KCNF1: variants seen among roughly 807,000 people sequenced by gnomAD.
KCNF1 encodes the protein potassium voltage-gated channel modifier subfamily F member 1, also known as voltage-gated potassium channel regulatory subunit KCNF1.
In KCNF1, 9 loss-of-function variants were observed where a neutral mutation model predicts 28.6. That is an observed-to-expected ratio of 0.31 (90% CI 0.19 to 0.55). The LOEUF is 0.55. Ranked by LOEUF, KCNF1 falls within the 20% of genes least tolerant of loss-of-function variation. KCNF1 has a pLI of 0.93. For missense variants in KCNF1, 461 were observed against 684.2 expected (o/e 0.67, Z 3.64); for synonymous variants, 328 against 299.6 (o/e 1.09, Z -0.98).
chr2:10,912,709 T>C lies in KCNF1; in HGVS notation c.283T>C (p.Phe95Leu), dbSNP rs766432391. 6.8e-6 allele frequency: 11 copies of C among 1,613,960 alleles called. No individual in the cohort carries two copies. Among genetic ancestry groups the C allele is most frequent in the African/African-American group, 6.7e-5 (5 of 74,918 alleles). ...AFKCVIEVYY[F>L]GEVHMKKGIC... ...CAAGTGTGTCATCGAGGTGTACTAT[T>C]TCGGGGAGGTCCACATGAAGAAGGG... Residue 95 changes from phenylalanine (F) to leucine (L), a missense_variant, in exon 1 of 1, where the codon TTC becomes CTC. Phe to Leu is a conservative substitution (Grantham distance 22, BLOSUM62 0). Coordinates refer to ENST00000295082, the MANE Select transcript of KCNF1 (RefSeq NM_002236.5). This position sits in a 1 kb window ranked among gnomAD's most constrained non-coding sequence, Gnocchi z 7.9.
In KCNF1 at chr2:10,913,928, G is replaced by C; in HGVS notation, c.*17G>C. The C allele has an allele frequency of 6.6e-7, 1 of 1,520,712 alleles. No homozygotes were observed. The allele number at this position is 1,520,712 out of a possible 1,614,324, so 94.2% of individuals were successfully genotyped here. A position where few individuals can be genotyped will look rare whatever the true frequency, so the allele number is the denominator to read the frequency against. On this transcript the variant is annotated 3_prime_UTR_variant, in exon 1 of 1. Coordinates refer to ENST00000295082, the MANE Select transcript of KCNF1 (RefSeq NM_002236.5). This position sits in a 1 kb window ranked among gnomAD's most constrained non-coding sequence, Gnocchi z 5.5. ...TGCAAGTGACAGGAGGGCCCCTCAG[G>C]CAGAGATGGACCAGGCGGTGGACAG... is the stretch of plus-strand genomic sequence containing the variant.
Position 10,912,348 on chromosome 2 carries a change from C to G in KCNF1, c.-79C>G. The G allele has an allele frequency of 1.8e-6, 2 of 1,134,004 alleles. No homozygotes were observed. The highest frequency in any genetic ancestry group is 3.2e-5 in the African/African-American group (2 of 61,696). 70.2% of individuals were successfully genotyped at this position (1,134,004 alleles called of 1,614,324 possible). On this transcript the variant is annotated 5_prime_UTR_variant, in exon 1 of 1. Coordinates refer to ENST00000295082, the MANE Select transcript of KCNF1 (RefSeq NM_002236.5). This position sits in a 1 kb window ranked among gnomAD's most constrained non-coding sequence, Gnocchi z 7.9. ...CCCGAGATCAGCGCACGGGTGGCAC[C>G]CGCCGGACCCCCAGCGGCAGCGGCG...
In KCNF1 at chr2:10,912,453, C is replaced by A. The variant is rs746986485; in HGVS notation, c.27C>A (p.Leu9=). Residue 9 remains leucine (L), a synonymous_variant, in exon 1 of 1, where the codon CTC becomes CTA. Coordinates refer to ENST00000295082, the MANE Select transcript of KCNF1 (RefSeq NM_002236.5). This position sits in a 1 kb window ranked among gnomAD's most constrained non-coding sequence, Gnocchi z 7.9. Reference sequence around the variant, plus strand: ...TGGACGGGTCCGGGGAGCGCAGCCTCCCGGAGCCGGGCAGCCAGAGCTCCG... The same window carrying A: ...TGGACGGGTCCGGGGAGCGCAGCCTACCGGAGCCGGGCAGCCAGAGCTCCG... MDGSGERS[L]PEPGSQSSAA... The A allele has an allele frequency of 6.8e-7, 1 of 1,462,456 alleles. No homozygotes were observed. The highest frequency in any genetic ancestry group is 2.6e-5 in the Admixed American group (1 of 38,820). 90.6% of individuals were successfully genotyped at this position (1,462,456 alleles called of 1,614,324 possible).
In KCNF1 at chr2:10,912,811, A is replaced by G. The variant is rs747533084; in HGVS notation, c.385A>G (p.Ser129Gly). The G allele has an allele frequency of 6.2e-7, 1 of 1,613,970 alleles. No individual in the cohort carries two copies. The highest frequency in any genetic ancestry group is 8.5e-7 in the Non-Finnish European group (1 of 1,180,026). Residue 129 changes from serine to glycine, a missense_variant, in exon 1 of 1, where the codon AGC becomes GGC. Transcript: ENST00000295082. This position sits in a 1 kb window ranked among gnomAD's most constrained non-coding sequence, Gnocchi z 7.9. ...CAAGTTCCTGGACGACTGTTGCAAGAGCCACCTGAGCGAGAAGCGCGAGGA... is the reference window on the plus strand; with the variant it reads ...CAAGTTCCTGGACGACTGTTGCAAGGGCCACCTGAGCGAGAAGCGCGAGGA... ...DLKFLDDCCKSHLSEKREELE... is the reference protein window; with the variant it reads ...DLKFLDDCCKGHLSEKREELE...
Position 10,912,392 on chromosome 2 carries a change from G to C in KCNF1, c.-35G>C. 8.1e-7 allele frequency: 1 copy of C among 1,235,562 alleles called. No individual in the cohort carries two copies. The highest frequency in any genetic ancestry group is 3.2e-5 in the East Asian group (1 of 31,462). 76.5% of individuals were successfully genotyped at this position (1,235,562 alleles called of 1,614,324 possible). On this transcript the variant is annotated 5_prime_UTR_variant, in exon 1 of 1. Transcript: ENST00000295082. This position sits in a 1 kb window ranked among gnomAD's most constrained non-coding sequence, Gnocchi z 7.9. ...AGCGGCGGCGGCGGCTGCAGGGGGC[G>C]CGGGGCGGAGGCTGCGAGGGCGCGC...
rs1225251523 is a variant in KCNF1 at position 10,913,506 on chromosome 2, C to T, written c.1080C>T (p.Ser360=). ...CCCTGTTTAAGAGCATCCCCCAGTC[C>T]TTCTGGTGGGCCATCATCACCATGA... The part of the protein sequence containing the change: ...PETLFKSIPQ[S]FWWAIITMTT... The change falls in exon 1 of 1, where the codon TCC becomes TCT. Residue 360 remains serine, a synonymous_variant. Transcript: ENST00000295082. The surrounding 1 kb of genome is among the most constrained non-coding windows in gnomAD (Gnocchi z 5.5). 2 of 1,614,188 alleles carry T rather than the reference C, an allele frequency of 1.2e-6. No homozygotes were observed. Among genetic ancestry groups the T allele is most frequent in the Non-Finnish European group, 1.7e-6 (2 of 1,180,034 alleles).
chr2:10,912,978 G>T lies in KCNF1; in HGVS notation c.552G>T (p.Val184=). ...AGTCGTCGTGCCCGGCGCGGGTGGT[G>T]GCCGTGCTCTCCTTCCTGCTCATCC... ...KPESSCPARV[V]AVLSFLLILV... Residue 184 remains valine (V), a synonymous_variant, in exon 1 of 1, where the codon GTG becomes GTT. Coordinates refer to ENST00000295082, the MANE Select transcript of KCNF1 (RefSeq NM_002236.5). The surrounding 1 kb of genome is among the most constrained non-coding windows in gnomAD (Gnocchi z 7.9). 6.2e-7 allele frequency: 1 copy of T among 1,603,130 alleles called. No individual in the cohort carries two copies. The highest frequency in any genetic ancestry group is 8.5e-7 in the Non-Finnish European group (1 of 1,179,814).
rs1661583840 is a variant in KCNF1 at position 10,913,831 on chromosome 2, A to C, written c.1405A>C (p.Lys469Gln). 2 of 1,560,108 alleles carry C rather than the reference A, an allele frequency of 1.3e-6. No individual in the cohort carries two copies. Among genetic ancestry groups the C allele is most frequent in the African/African-American group, 2.7e-5 (2 of 73,540 alleles). The change falls in exon 1 of 1, where the codon AAG (lysine) becomes CAG (glutamine). Residue 469 changes from lysine to glutamine, a missense_variant. Lys to Gln is a moderately conservative substitution (Grantham distance 53). Transcript: ENST00000295082. The surrounding 1 kb of genome is among the most constrained non-coding windows in gnomAD (Gnocchi z 5.5). ...KEAPSCSSRLKLSHSDTFIPL... is the reference protein window; with the variant it reads ...KEAPSCSSRLQLSHSDTFIPL... ...GGCGCCGAGCTGCAGCAGCCGGCTGAAGCTCTCCCACAGCGACACCTTCAT... is the reference window on the plus strand; with the variant it reads ...GGCGCCGAGCTGCAGCAGCCGGCTGCAGCTCTCCCACAGCGACACCTTCAT...
At position 10,912,715 on chromosome 2, in the gene KCNF1, G is replaced by A; in HGVS notation, c.289G>A (p.Glu97Lys). The change falls in exon 1 of 1, where the codon GAG (glutamate) becomes AAG (lysine). Residue 97 changes from glutamate to lysine, a missense_variant. This residue lies in a region of KCNF1 where 193 missense variants were observed against 280.6 expected (regional missense o/e 0.69). Coordinates refer to ENST00000295082, the MANE Select transcript of KCNF1 (RefSeq NM_002236.5). This position sits in a 1 kb window ranked among gnomAD's most constrained non-coding sequence, Gnocchi z 7.9. ...TGTCATCGAGGTGTACTATTTCGGG[G>A]AGGTCCACATGAAGAAGGGCATCTG... ...KCVIEVYYFG[E>K]VHMKKGICPI... 1 of 1,614,148 alleles carries A rather than the reference G, an allele frequency of 6.2e-7. No homozygotes were observed. The highest frequency in any genetic ancestry group is 8.5e-7 in the Non-Finnish European group (1 of 1,180,024).
Position 10,913,050 on chromosome 2 carries a change from G to A in KCNF1, c.624G>A (p.Gln208=). The A allele has an allele frequency of 6.2e-7, 1 of 1,604,622 alleles. No homozygotes were observed. Among genetic ancestry groups the A allele is most frequent in the Admixed American group, 1.7e-5 (1 of 60,016 alleles). Residue 208 remains glutamine (Q), a synonymous_variant, in exon 1 of 1, where the codon CAG becomes CAA. Transcript: ENST00000295082. The surrounding 1 kb of genome is among the most constrained non-coding windows in gnomAD (Gnocchi z 5.5). ...VMCMGTIPEL[Q]VLDAEGNRVE... ...GCATGGGCACCATCCCCGAGCTGCA[G>A]GTGCTGGACGCCGAGGGCAACCGCG...
rs1408579146 is a variant in KCNF1 at position 10,912,415 on chromosome 2, C to T, written c.-12C>T. On this transcript the variant is annotated 5_prime_UTR_variant, in exon 1 of 1. Transcript: ENST00000295082. The surrounding 1 kb of genome is among the most constrained non-coding windows in gnomAD (Gnocchi z 7.9). ...GCGCGGGGCGGAGGCTGCGAGGGCG[C>T]GCGCGGGGAGGATGGACGGGTCCGG... The T allele has an allele frequency of 9.5e-6, 12 of 1,263,100 alleles. No homozygotes were observed. Among genetic ancestry groups the T allele is most frequent in the African/African-American group, 3.1e-5 (2 of 64,410 alleles). 78.2% of individuals were successfully genotyped at this position (1,263,100 alleles called of 1,614,324 possible).
rs1233363611 is a variant in KCNF1, at chr2:10,912,462, G to T, written c.36G>T (p.Pro12=). The change falls in exon 1 of 1, where the codon CCG becomes CCT. Residue 12 remains proline (P), a synonymous_variant. Transcript: ENST00000295082. This position sits in a 1 kb window ranked among gnomAD's most constrained non-coding sequence, Gnocchi z 7.9. ...DGSGERSLPE[P]GSQSSAASDD... is the part of the protein sequence containing the mutation. ...CCGGGGAGCGCAGCCTCCCGGAGCC[G>T]GGCAGCCAGAGCTCCGCTGCCAGCG... 2 of 1,476,906 alleles carry T rather than the reference G, an allele frequency of 1.4e-6. No homozygotes were observed. The highest frequency in any genetic ancestry group is 1.8e-6 in the Non-Finnish European group (2 of 1,114,710). The allele number at this position is 1,476,906 out of a possible 1,614,324, so 91.5% of individuals were successfully genotyped here. A position where few individuals can be genotyped will look rare whatever the true frequency, so the allele number is the denominator to read the frequency against.
rs561957821 is a variant in KCNF1 at position 10,914,115 on chromosome 2, G to T, written c.*204G>T. 8.5e-5 allele frequency: 47 copies of T among 550,270 alleles called. 1 individual carries two copies. In the South Asian group the frequency reaches 2.0e-3, roughly 23 times the overall value. The allele number at this position is 550,270 out of a possible 1,614,324, so 34.1% of individuals were successfully genotyped here. ...CTGTCCAGGAGCCCGGGAGGGAGGG[G>T]TGTGCAGGAGCCGCAGGGCCGTGTG... On this transcript the variant is annotated 3_prime_UTR_variant, in exon 1 of 1. Coordinates refer to ENST00000295082, the MANE Select transcript of KCNF1 (RefSeq NM_002236.5).
chr2:10,914,136 G>C lies in KCNF1; in HGVS notation c.*225G>C, dbSNP rs1341358218. On this transcript the variant is annotated 3_prime_UTR_variant, in exon 1 of 1. Transcript: ENST00000295082. The stretch of plus-strand genomic sequence containing the variant: ...AGGGGTGTGCAGGAGCCGCAGGGCC[G>C]TGTGGGACGAGTGGAGGCCGCGGCC... The C allele has an allele frequency of 8.3e-6, 4 of 482,968 alleles. No individual in the cohort carries two copies. Among genetic ancestry groups the C allele is most frequent in the Non-Finnish European group, 1.1e-5 (3 of 274,902 alleles). 29.9% of individuals were successfully genotyped at this position (482,968 alleles called of 1,614,324 possible). A position where few individuals can be genotyped will look rare whatever the true frequency, so the allele number is the denominator to read the frequency against.
chr2:10,912,789 G>T lies in KCNF1; in HGVS notation c.363G>T (p.Lys121Asn). 6.2e-7 allele frequency: 1 copy of T among 1,614,076 alleles called. No individual in the cohort carries two copies. The highest frequency in any genetic ancestry group is 8.5e-7 in the Non-Finnish European group (1 of 1,180,044). Residue 121 changes from lysine to asparagine, a missense_variant, in exon 1 of 1, where the codon AAG (lysine) becomes AAT (asparagine). Lys to Asn is a moderately conservative substitution (Grantham distance 94). Around this residue, in one of 4 missense-constraint regions of KCNF1, gnomAD observed 193 missense variants for 280.6 expected, o/e 0.69. Coordinates refer to ENST00000295082, the MANE Select transcript of KCNF1 (RefSeq NM_002236.5). The surrounding 1 kb of genome is among the most constrained non-coding windows in gnomAD (Gnocchi z 7.9). ...TGGACTTCTGGAAGGTGGACCTCAA[G>T]TTCCTGGACGACTGTTGCAAGAGCC... ...NEMDFWKVDL[K>N]FLDDCCKSHL...
In KCNF1 at chr2:10,912,459, G is replaced by A. The variant is rs768572625; in HGVS notation, c.33G>A (p.Glu11=). The A allele has an allele frequency of 8.2e-6, 12 of 1,471,454 alleles. No individual in the cohort carries two copies. In the African/African-American group the frequency reaches 1.6e-4, roughly 19 times the overall value. 91.1% of individuals were successfully genotyped at this position (1,471,454 alleles called of 1,614,324 possible). A position where few individuals can be genotyped will look rare whatever the true frequency, so the allele number is the denominator to read the frequency against. Reference sequence around the variant, plus strand: ...GGTCCGGGGAGCGCAGCCTCCCGGAGCCGGGCAGCCAGAGCTCCGCTGCCA... The same window carrying A: ...GGTCCGGGGAGCGCAGCCTCCCGGAACCGGGCAGCCAGAGCTCCGCTGCCA... MDGSGERSLP[E]PGSQSSAASD... Residue 11 remains glutamate (E), a synonymous_variant, in exon 1 of 1, where the codon GAG becomes GAA. Transcript: ENST00000295082. This position sits in a 1 kb window ranked among gnomAD's most constrained non-coding sequence, Gnocchi z 7.9.
Position 10,912,702 on chromosome 2 carries a change from G to A in KCNF1, c.276G>A (p.Val92=). The A allele has an allele frequency of 6.2e-7, 1 of 1,614,164 alleles. No homozygotes were observed. Among genetic ancestry groups the A allele is most frequent in the Non-Finnish European group, 8.5e-7 (1 of 1,180,032 alleles). ...DPDAFKCVIE[V]YYFGEVHMKK... ...ACGCCTTCAAGTGTGTCATCGAGGT[G>A]TACTATTTCGGGGAGGTCCACATGA... Residue 92 remains valine, a synonymous_variant, in exon 1 of 1, where the codon GTG becomes GTA. Transcript: ENST00000295082. The surrounding 1 kb of genome is among the most constrained non-coding windows in gnomAD (Gnocchi z 7.9).
chr2:10,914,065 G>C lies in KCNF1; in HGVS notation c.*154G>C, dbSNP rs1661587771. ...CCCTCCCGGCACCTCTGCCAAGGCTGGGTAAGACTCCTCTATGTTGCCTGC... is the reference window on the plus strand; with the variant it reads ...CCCTCCCGGCACCTCTGCCAAGGCTCGGTAAGACTCCTCTATGTTGCCTGC... On this transcript the variant is annotated 3_prime_UTR_variant, in exon 1 of 1. Coordinates refer to ENST00000295082, the MANE Select transcript of KCNF1 (RefSeq NM_002236.5). 1 of 840,592 alleles carries C rather than the reference G, an allele frequency of 1.2e-6. No homozygotes were observed. The highest frequency in any genetic ancestry group is 2.6e-5 in the South Asian group (1 of 38,142). 52.1% of individuals were successfully genotyped at this position (840,592 alleles called of 1,614,324 possible).
Position 10,913,804 on chromosome 2 carries a change from G to A in KCNF1, c.1378G>A (p.Glu460Lys), listed in dbSNP as rs770524900. 6.3e-7 allele frequency: 1 copy of A among 1,580,894 alleles called. No individual in the cohort carries two copies. Among genetic ancestry groups the A allele is most frequent in the South Asian group, 1.2e-5 (1 of 85,654 alleles). The change falls in exon 1 of 1, where the codon GAG (glutamate) becomes AAG (lysine). Residue 460 changes from glutamate to lysine, a missense_variant. Transcript: ENST00000295082. The surrounding 1 kb of genome is among the most constrained non-coding windows in gnomAD (Gnocchi z 5.5). ...DNLPPEPAGK[E>K]APSCSSRLKL... The stretch of plus-strand genomic sequence containing the variant: ...CCTCCCTCCAGAGCCTGCGGGGAAG[G>A]AGGCGCCGAGCTGCAGCAGCCGGCT...
Sources: gnomAD v4.1 joint callset for allele counts on GRCh38, gnomAD v4.1.1 for gene constraint, gnomAD v4.1.1 regional missense constraint, Gnocchi (gnomAD v3.1) non-coding constraint, MANE v1.5 for transcripts, NCBI Gene and HGNC (gene_info 2026-07-23, HGNC 2026-07-21) for gene names.